Variants in NRXN3 observed in about 807,000 individuals in gnomAD.
The protein encoded by NRXN3 is neurexin III.
Under a neutral mutation model 137.6 loss-of-function variants are expected in NRXN3, and 32 were observed. The ratio of observed to expected loss-of-function variants is 0.23; its 90% confidence interval spans 0.18 to 0.31. NRXN3 has a LOEUF of 0.31. Ranked by LOEUF, NRXN3 falls within the 10% of genes least tolerant of loss-of-function variation. NRXN3 has a pLI of 1.00. For missense variants in NRXN3, 1,574 were observed against 2,062.5 expected, an observed-to-expected ratio of 0.76 and a Z score of 4.59; for synonymous variants, 798 against 784.5, an observed-to-expected ratio of 1.02 and a Z score of -0.29.
chr14:79,851,610 G>C (rs749353906), intron 20 of NRXN3, among the ~76,000 whole-genome samples: 1 of 152,094 alleles, frequency 6.6e-6, no homozygotes, highest in Non-Finnish European at 1.5e-5. Flanking sequence ...GGTTGGAATT[G>C]GTTGTCAGAA....
At chr14:78,875,179 A>G (rs904349993) in intron 10 of NRXN3, among the ~76,000 whole-genome samples, 1 of 152,206 alleles carries the variant, frequency 6.6e-6, no homozygotes, top group Non-Finnish European at 1.5e-5. Context: ...GTTATTCCTG[A>G]CAAACTTTAA....
rs961380251 is a variant in NRXN3 at position 78,243,483 on chromosome 14, G to T, written c.390G>T (p.Gln130His). 12 of 1,588,826 alleles carry T rather than the reference G, an allele frequency of 7.6e-6. No individual in the cohort carries two copies. Among genetic ancestry groups the T allele is most frequent in the Non-Finnish European group, 9.4e-6 (11 of 1,175,308 alleles). Residue 130 changes from glutamine (Q) to histidine (H), a missense_variant, in exon 2 of 21, where the codon CAG becomes CAT. Transcript: ENST00000335750. This position sits in a 1 kb window ranked among gnomAD's most constrained non-coding sequence, Gnocchi z 4.2. Reference sequence around the variant, plus strand: ...TGCTGATGCTTGATGGCGAGGGCCAGTCTGGGGAGCTGCAGCCCCAGCGGC... The same window carrying T: ...TGCTGATGCTTGATGGCGAGGGCCATTCTGGGGAGCTGCAGCCCCAGCGGC... The part of the protein sequence containing the change: ...RTVLMLDGEG[Q>H]SGELQPQRPY...
chr14:78,568,961 G>GTTTTTTTTTTTTTTT lies in NRXN3; in HGVS notation c.758-76149_758-76135dup, dbSNP rs34485878. On this transcript the variant is annotated intron_variant, in intron 4 of 20. Transcript: ENST00000335750. The stretch of plus-strand genomic sequence containing the variant: ...TGTGGTGGGAAATATGACTTTGCAG[G>GTTTTTTTTTTTTTTT]TTTTTTTTTTTTTTTTTTTTTTTTG... Among the ~76,000 whole-genome samples the GTTTTTTTTTTTTTTT allele has an allele frequency of 1.4e-3, 143 of 103,740 alleles. 9 individuals carry two copies. The highest frequency in any genetic ancestry group is 5.6e-3 in the African/African-American group (138 of 24,452). 68.1% of individuals were successfully genotyped at this position (103,740 alleles called of 152,430 possible).
chr14:79,216,075 G>T (rs1431554594), intron 15 of NRXN3, among the ~76,000 whole-genome samples: 1 of 152,194 alleles, frequency 6.6e-6, no homozygotes, highest in Non-Finnish European at 1.5e-5. Flanking sequence ...TGATGTCTTT[G>T]ATCTCAACTG....
At chr14:78,284,034 C>T (rs924903334) in intron 3 of NRXN3, among the ~76,000 whole-genome samples, 3 of 152,116 alleles carry the variant, frequency 2.0e-5, no homozygotes, top group East Asian at 1.9e-4. Context: ...GGAGTTGTTT[C>T]GAGCTTGTGT....
chr14:79,832,064 A>C (rs893050822), intron 20 of NRXN3, among the ~76,000 whole-genome samples: 2 of 152,192 alleles, frequency 1.3e-5, no homozygotes, highest in Non-Finnish European at 2.9e-5. Context: ...AAAATGGTGC[A>C]GTGTGTACAT....
intron 15 of NRXN3, among the ~76,000 whole-genome samples, chr14:79,265,905 T>C (rs2078395222): frequency 1.3e-5 from 2 of 152,126 alleles, no homozygotes; most frequent in Admixed American, 6.5e-5. Flanking sequence ...CTACAGTAAA[T>C]ACTTTGTCAT....
intron 15 of NRXN3, among the ~76,000 whole-genome samples, chr14:79,180,340 A>G (rs757307798): frequency 7.2e-5 from 11 of 152,220 alleles, no homozygotes; most frequent in Non-Finnish European, 1.2e-4. Context: ...TTGAAATCAT[A>G]GTCTCTAGCA....
intron 15 of NRXN3, among the ~76,000 whole-genome samples, chr14:79,184,013 C>T (rs1037296406): frequency 1.3e-5 from 2 of 152,120 alleles, no homozygotes; most frequent in Admixed American, 6.5e-5. Context: ...GCCACAACAG[C>T]AGAGGTGGGG....
intron 15 of NRXN3, among the ~76,000 whole-genome samples, chr14:79,056,179 G>T (rs1388241205): frequency 6.6e-6 from 1 of 152,186 alleles, no homozygotes; most frequent in African/African-American, 2.4e-5. Context: ...ACACCTGGAA[G>T]CAAGGGTGCA....
intron 10 of NRXN3, among the ~76,000 whole-genome samples, chr14:78,855,678 AG>A (rs1184751995): frequency 6.6e-6 from 1 of 152,228 alleles, no homozygotes; most frequent in African/African-American, 2.4e-5. Flanking sequence ...AATAATTTGA[AG>A]AAAGTGTATC....
At chr14:78,386,329 C>T (rs1054384730) in intron 4 of NRXN3, among the ~76,000 whole-genome samples, 2 of 152,082 alleles carry the variant, frequency 1.3e-5, no homozygotes, top group African/African-American at 4.8e-5. Context: ...AAAGTTGTTC[C>T]ATGGTCTTAG....
intron 19 of NRXN3, among the ~76,000 whole-genome samples, chr14:79,750,098 C>T (rs544591140): frequency 2.6e-5 from 4 of 152,038 alleles, no homozygotes; most frequent in East Asian, 2.0e-4. Context: ...TTATAATTGA[C>T]CAGTGCCTGG....
At chr14:79,598,263 T>A (rs895807411) in intron 16 of NRXN3, among the ~76,000 whole-genome samples, 4 of 152,198 alleles carry the variant, frequency 2.6e-5, no homozygotes, top group Non-Finnish European at 5.9e-5. Flanking sequence ...GGGGCCGAGA[T>A]GTGATCATTA....
chr14:78,534,614 T>C (rs1566669542), intron 4 of NRXN3, among the ~76,000 whole-genome samples: 1 of 152,212 alleles, frequency 6.6e-6, no homozygotes, highest in Non-Finnish European at 1.5e-5. Flanking sequence ...AACATTGTTA[T>C]GGCATTCCTC....
At chr14:78,234,468 T>TG (rs1386427915) in intron 1 of NRXN3, among the ~76,000 whole-genome samples, 2 of 152,224 alleles carry the variant, frequency 1.3e-5, no homozygotes, top group East Asian at 3.9e-4. Flanking sequence ...GGATAAGTGA[T>TG]GGGCTCAAGG....
At chr14:78,285,695 C>T (rs373418506) in intron 3 of NRXN3, among the ~76,000 whole-genome samples, 1 of 152,194 alleles carries the variant, frequency 6.6e-6, no homozygotes, top group East Asian at 1.9e-4. Flanking sequence ...TAGGACTCAG[C>T]TCTTTGTTTT....
intron 15 of NRXN3, among the ~76,000 whole-genome samples, chr14:79,018,260 C>CAA (rs1163466834): frequency 8.6e-5 from 2 of 23,152 alleles, no homozygotes; most frequent in African/African-American, 1.6e-4. Flanking sequence ...AACTCTGTCT[C>CAA]AAAAAAAAAA....
chr14:78,991,111 CA>C (rs1312654621), intron 15 of NRXN3, among the ~76,000 whole-genome samples: 1 of 152,008 alleles, frequency 6.6e-6, no homozygotes, highest in African/African-American at 2.4e-5. Flanking sequence ...TTATCATCAG[CA>C]AAAAGTGGTG....
Sources: allele counts gnomAD v4.1 joint callset (sites outside exome capture counted in the v4.1 genomes callset), GRCh38; gene constraint gnomAD v4.1.1; non-coding constraint Gnocchi (gnomAD v3.1); transcripts MANE v1.5; gene names NCBI Gene and HGNC (gene_info 2026-07-23, HGNC 2026-07-21).